The following NFATC1 variants were observed in gnomAD, a reference collection of about 807,000 sequenced individuals.
NFATC1 encodes the protein nuclear factor of activated T-cells, cytoplasmic 1.
A neutral mutation model predicts 76.0 loss-of-function variants in NFATC1; 22 were observed. That is an observed-to-expected ratio of 0.29 (90% CI 0.21 to 0.41). The LOEUF (loss-of-function observed/expected upper bound fraction) is 0.41. Ranked by LOEUF, NFATC1 falls within the 10% of genes least tolerant of loss-of-function variation. The pLI, the probability that NFATC1 is intolerant of heterozygous loss-of-function variation, is 1.00. For synonymous variants in NFATC1, 704 were observed against 613.1 expected, an observed-to-expected ratio of 1.15 and a Z score of -2.19; for missense variants, 1,357 against 1,337.7, an observed-to-expected ratio of 1.01 and a Z score of -0.23.
At chr18:79,467,741 G>A (rs2088588591) in intron 8 of NFATC1, 159 bp downstream of exon 8, 3 of 1,123,340 alleles carry the variant, frequency 2.7e-6, no homozygotes, top group African/African-American at 1.8e-5. Context: ...CCCTGAAAAG[G>A]AAAGGAAAAG....
At chr18:79,459,940 C>G (rs1439650153) in intron 6 of NFATC1, among the ~76,000 whole-genome samples, 1 of 152,212 alleles carries the variant, frequency 6.6e-6, no homozygotes, top group Non-Finnish European at 1.5e-5. Context: ...AGCTCCTGAG[C>G]TTTCCAGGGC....
chr18:79,523,123 A>G (rs1439123109), intron 9 of NFATC1, among the ~76,000 whole-genome samples: 2 of 152,252 alleles, frequency 1.3e-5, no homozygotes, highest in Non-Finnish European at 1.5e-5. Context: ...TGCAAGGAGC[A>G]AGCAGGTGCA....
chr18:79,462,599 C>T (rs1381255472), intron 7 of NFATC1, among the ~76,000 whole-genome samples: 2 of 152,224 alleles, frequency 1.3e-5, no homozygotes, highest in African/African-American at 4.8e-5. Flanking sequence ...CCACCGTGCC[C>T]GGCCTGATGT....
At chr18:79,434,846 G>C (rs548168774) in intron 3 of NFATC1, among the ~76,000 whole-genome samples, 2 of 152,282 alleles carry the variant, frequency 1.3e-5, no homozygotes, top group Non-Finnish European at 2.9e-5. Context: ...GTTTTCGCCA[G>C]CACTTGCAGA....
Position 79,524,222 on chromosome 18 carries a change from CA to C in NFATC1, c.2783-3305del, listed in dbSNP as rs2090689532. 6.6e-6 allele frequency among the ~76,000 whole-genome samples: 1 copy of C among 152,194 alleles called. No individual in the cohort carries two copies. The highest frequency in any genetic ancestry group is 2.4e-5 in the African/African-American group (1 of 41,448). ...CCAGCGCCAGCGAGCCACATGGCCTCAGACCAACCCCAGGATGGGCCCGTTG... is the reference window on the plus strand; with the variant it reads ...CCAGCGCCAGCGAGCCACATGGCCTCGACCAACCCCAGGATGGGCCCGTTG... On this transcript the variant is annotated intron_variant, in intron 9 of 9. Coordinates refer to ENST00000427363, the MANE Select transcript of NFATC1 (RefSeq NM_001278669.2). This position sits in a 1 kb window ranked among gnomAD's most constrained non-coding sequence, Gnocchi z 7.2.
At chr18:79,521,295 G>T (rs1478508932) in intron 9 of NFATC1, among the ~76,000 whole-genome samples, 1 of 72,232 alleles carries the variant, frequency 1.4e-5, no homozygotes, top group Non-Finnish European at 2.6e-5. Flanking sequence ...GTCTGTGTGT[G>T]TGGGGGGGGG....
intron 3 of NFATC1, chr18:79,448,314 CTG>C (rs2087303972): frequency 5.9e-6 from 1 of 170,436 alleles, no homozygotes; most frequent in Non-Finnish European, 1.3e-5. Flanking sequence ...GCCCGTCGTG[CTG>C]TGTGTGTGCA....
intron 3 of NFATC1, among the ~76,000 whole-genome samples, chr18:79,446,302 A>G (rs549318696): frequency 6.6e-6 from 1 of 152,186 alleles, no homozygotes; most frequent in Admixed American, 6.5e-5. Context: ...CATTCCACAC[A>G]CCATCAGAGA....
At chr18:79,411,529 G>A in intron 2 of NFATC1, 28 bp downstream of exon 2, 1 of 1,393,124 alleles carries the variant, frequency 7.2e-7, no homozygotes, top group Non-Finnish European at 9.3e-7. Context: ...GGCGGGACGG[G>A]GAGGCGAGGG....
chr18:79,399,440 C>T (rs1314610449), intron 1 of NFATC1, among the ~76,000 whole-genome samples: 1 of 152,236 alleles, frequency 6.6e-6, no homozygotes, highest in Admixed American at 6.5e-5. Context: ...CCCCTCCGCC[C>T]TCAGACTCCC....
At chr18:79,396,796 C>T (rs1052521814) in intron 1 of NFATC1, among the ~76,000 whole-genome samples, 1 of 152,048 alleles carries the variant, frequency 6.6e-6, no homozygotes, top group Non-Finnish European at 1.5e-5. Flanking sequence ...GGGGGTTCTG[C>T]GCCCCCCACC....
chr18:79,415,518 G>A (rs1220769887), intron 2 of NFATC1, among the ~76,000 whole-genome samples: 1 of 151,690 alleles, frequency 6.6e-6, no homozygotes, highest in Non-Finnish European at 1.5e-5. Context: ...TCCTGACCTC[G>A]TGATCCACCC....
chr18:79,470,382 C>CG (rs2088732146), intron 8 of NFATC1: 1 of 152,194 alleles, frequency 6.6e-6, no homozygotes, highest in South Asian at 2.1e-4. Flanking sequence ...CCGGGGGTCA[C>CG]GGCAGTGAGG....
At chr18:79,478,473 C>T (rs1033268659) in intron 8 of NFATC1, among the ~76,000 whole-genome samples, 8 of 152,166 alleles carry the variant, frequency 5.3e-5, no homozygotes, top group African/African-American at 1.7e-4. Flanking sequence ...CTGCATAGAC[C>T]CGGCTGGGGC....
At position 79,528,301 on chromosome 18, in the gene NFATC1, A is replaced by G. The variant is rs2090820277; in HGVS notation, c.*724A>G. 4 of 184,926 alleles carry G rather than the reference A, an allele frequency of 2.2e-5. No homozygotes were observed. The highest frequency in any genetic ancestry group is 2.0e-4 in the South Asian group (1 of 5,116). 11.5% of individuals were successfully genotyped at this position (184,926 alleles called of 1,614,324 possible). A position where few individuals can be genotyped will look rare whatever the true frequency, so the allele number is the denominator to read the frequency against. ...TTCGAACATAGCACAAGTAACTTGA[A>G]TAGCACATCAATAGGTTACTGGACA... is the stretch of plus-strand genomic sequence containing the variant. On this transcript the variant is annotated 3_prime_UTR_variant, in exon 10 of 10. Coordinates refer to ENST00000427363, the MANE Select transcript of NFATC1 (RefSeq NM_001278669.2).
intron 7 of NFATC1, among the ~76,000 whole-genome samples, chr18:79,461,964 C>T (rs535575504): frequency 2.4e-4 from 37 of 152,360 alleles, no homozygotes; most frequent in Non-Finnish European, 5.0e-4. Context: ...TGTTAGCGGG[C>T]GGTGCATGTG....
chr18:79,418,514 C>T (rs1429050324), intron 2 of NFATC1, among the ~76,000 whole-genome samples: 1 of 152,210 alleles, frequency 6.6e-6, no homozygotes, highest in Non-Finnish European at 1.5e-5. Context: ...GCCTTCTGCT[C>T]TCGTCACCAA....
Position 79,410,360 on chromosome 18 carries a change from T to C in NFATC1, c.128-43T>C. On this transcript the variant is annotated intron_variant, in intron 1 of 9. Transcript: ENST00000427363. This position sits in a 1 kb window ranked among gnomAD's most constrained non-coding sequence, Gnocchi z 6.7. ...GAGTTCATGGGTTTCTGCTTTGTGA[T>C]GCCCAGCCCCTCATGCTCCCATCTG... is the stretch of plus-strand genomic sequence containing the variant. 7 of 1,557,674 alleles carry C rather than the reference T, an allele frequency of 4.5e-6. No individual in the cohort carries two copies. Among genetic ancestry groups the C allele is most frequent in the Non-Finnish European group, 6.1e-6 (7 of 1,153,992 alleles).
intron 8 of NFATC1, among the ~76,000 whole-genome samples, chr18:79,473,746 G>A (rs470391): frequency 3.2e-4 from 47 of 146,964 alleles, no homozygotes; most frequent in East Asian, 2.3e-3. Context: ...CACTGTCGAC[G>A]TTGTGAGGGA....
Sources: allele counts gnomAD v4.1 joint callset (sites outside exome capture counted in the v4.1 genomes callset), GRCh38; gene constraint gnomAD v4.1.1; non-coding constraint Gnocchi (gnomAD v3.1); transcripts MANE v1.5; gene names NCBI Gene and HGNC (gene_info 2026-07-23, HGNC 2026-07-21).